The following ADAMTSL2 variants were observed in gnomAD, a reference collection of about 807,000 sequenced individuals.
ADAMTSL2 encodes the protein ADAMTS-like protein 2.
ADAMTSL2 carries 55 observed loss-of-function variants against 117.0 expected under a neutral mutation model. That is an observed-to-expected ratio of 0.47 (90% CI 0.38 to 0.59). The LOEUF is 0.59. Among genes scored for constraint, ADAMTSL2 ranks in the 20% least tolerant of loss-of-function variants. The pLI, the probability that ADAMTSL2 is intolerant of heterozygous loss-of-function variation, is 0.00. For missense variants in ADAMTSL2, 1,182 were observed against 1,354.5 expected (o/e 0.87, Z 2.00); for synonymous variants, 572 against 566.4 (o/e 1.01, Z -0.14).
At chr9:133,563,560 CAAGG>C (rs1449201019) in intron 12 of ADAMTSL2, among the ~76,000 whole-genome samples, 1 of 152,066 alleles carries the variant, frequency 6.6e-6, no homozygotes, top group African/African-American at 2.4e-5. Flanking sequence ...GCCTCGCTGG[CAAGG>C]GGCCTGATGG....
intron 9 of ADAMTSL2, among the ~76,000 whole-genome samples, chr9:133,547,477 A>G (rs1830379210): frequency 6.6e-6 from 1 of 152,186 alleles, no homozygotes. Context: ...TCATCAGTTC[A>G]TTAATTCATT....
Position 133,535,062 on chromosome 9 carries a change from G to A in ADAMTSL2, c.-151+145G>A, listed in dbSNP as rs569518156. 2,467 of 1,276,644 alleles carry A rather than the reference G, an allele frequency of 1.9e-3. 3 individuals carry two copies. Among genetic ancestry groups the A allele is most frequent in the Non-Finnish European group, 2.2e-3 (2,169 of 1,007,888 alleles). 79.1% of individuals were successfully genotyped at this position (1,276,644 alleles called of 1,614,324 possible). A position where few individuals can be genotyped will look rare whatever the true frequency, so the allele number is the denominator to read the frequency against. On this transcript the variant is annotated intron_variant, in intron 1 of 18. Coordinates refer to ENST00000651351, the MANE Select transcript of ADAMTSL2 (RefSeq NM_014694.4). The stretch of plus-strand genomic sequence containing the variant: ...GAGGCTTGTGGGGAGGGGTCGGGCC[G>A]CAGAGCACGGGGCAGGGTGGCCTCC...
Position 133,539,988 on chromosome 9 carries a change from C to G in ADAMTSL2, c.412+115C>G, listed in dbSNP as rs1370043411. The G allele has an allele frequency of 4.1e-6, 4 of 984,558 alleles. No individual in the cohort carries two copies. In the East Asian group the frequency reaches 7.8e-5, roughly 19 times the overall value. 61.0% of individuals were successfully genotyped at this position (984,558 alleles called of 1,614,324 possible). A position where few individuals can be genotyped will look rare whatever the true frequency, so the allele number is the denominator to read the frequency against. On this transcript the variant is annotated intron_variant, in intron 5 of 18. Transcript: ENST00000651351. The stretch of plus-strand genomic sequence containing the variant: ...GGGCAGGTGGGGAAATGGAGGTGGT[C>G]AGACGAAGAGCCAGGAATGAACCTG...
intron 7 of ADAMTSL2, among the ~76,000 whole-genome samples, chr9:133,544,039 A>C (rs1830289545): frequency 6.6e-6 from 1 of 152,258 alleles, no homozygotes; most frequent in Non-Finnish European, 1.5e-5. Context: ...CTTTGAGTGT[A>C]GCTAGCCTTG....
chr9:133,541,151 T>TCACCC, intron 7 of ADAMTSL2, 150 bp downstream of exon 7: 2 of 1,249,932 alleles, frequency 1.6e-6, no homozygotes, highest in Non-Finnish European at 2.3e-6. Flanking sequence ...CCGGGTGAGC[T>TCACCC]GGCCTGGTGA....
At chr9:133,564,549 GGAGAGGGAGA>G in intron 12 of ADAMTSL2, among the ~76,000 whole-genome samples, 6 of 45,740 alleles carry the variant, frequency 1.3e-4, no homozygotes, top group African/African-American at 4.5e-4. Flanking sequence ...AGGGAGAGAG[GGAGAGGGAGA>G]GAGAGAGGGA....
chr9:133,540,848 C>T lies in ADAMTSL2; in HGVS notation c.559-30C>T, dbSNP rs374809878. ...CCGGGGCCTGGCCACAGCGCCCTCC[C>T]AGCAGCCCTCTCCCTCTCCCTTCCT... is the stretch of plus-strand genomic sequence containing the variant. On this transcript the variant is annotated intron_variant, in intron 6 of 18. Coordinates refer to ENST00000651351, the MANE Select transcript of ADAMTSL2 (RefSeq NM_014694.4). The T allele has an allele frequency of 2.3e-5, 37 of 1,613,298 alleles. No homozygotes were observed. In the African/African-American group the frequency reaches 4.1e-4, roughly 18 times the overall value.
chr9:133,556,987 C>G (rs1830617504), intron 11 of ADAMTSL2, among the ~76,000 whole-genome samples: 1 of 152,186 alleles, frequency 6.6e-6, no homozygotes, highest in South Asian at 2.1e-4. Context: ...CAGGCACGGG[C>G]TCACTGGTGT....
chr9:133,540,798 C>T (rs1830202685), intron 6 of ADAMTSL2, 55 bp downstream of exon 6: 1 of 1,613,466 alleles, frequency 6.2e-7, no homozygotes, highest in South Asian at 1.1e-5. Context: ...GACTGCCCGC[C>T]CGCCTGTGGG....
intron 12 of ADAMTSL2, among the ~76,000 whole-genome samples, chr9:133,564,519 GGA>G (rs1350012295): frequency 1.4e-4 from 4 of 29,296 alleles, no homozygotes; most frequent in Non-Finnish European, 2.0e-4. Context: ...AGAGGGAGAG[GGA>G]GAGAGAGAGA....
At chr9:133,544,403 T>C in intron 7 of ADAMTSL2, 67 bp from the exon 8 acceptor site, 1 of 1,296,186 alleles carries the variant, frequency 7.7e-7, no homozygotes, top group Non-Finnish European at 1.1e-6. Context: ...AGCTGTGGAG[T>C]GGGCGAGTGC....
chr9:133,537,318 C>G, intron 2 of ADAMTSL2, 87 bp from the exon 3 acceptor site: 1 of 1,289,710 alleles, frequency 7.8e-7, no homozygotes, highest in Non-Finnish European at 1.0e-6. Flanking sequence ...GTCCCGCTGA[C>G]GGTGATACCC....
chr9:133,574,249 G>A (rs1831176754), intron 18 of ADAMTSL2, among the ~76,000 whole-genome samples: 1 of 152,206 alleles, frequency 6.6e-6, no homozygotes, highest in South Asian at 2.1e-4. Context: ...TGTACTTTGG[G>A]AAAAGGGTCA....
rs982875660 is a variant in ADAMTSL2 at position 133,568,773 on chromosome 9, G to A, written c.2244+15G>A. 7.4e-6 allele frequency: 12 copies of A among 1,612,788 alleles called. No homozygotes were observed. The highest frequency in any genetic ancestry group is 1.7e-5 in the Admixed American group (1 of 60,002). ...ACTGGGGACCGGTGAGGCCTGCACTGAGGGGTGGCTGGGCGTGCGGCTGGT... is the reference window on the plus strand; with the variant it reads ...ACTGGGGACCGGTGAGGCCTGCACTAAGGGGTGGCTGGGCGTGCGGCTGGT... On this transcript the variant is annotated intron_variant, in intron 15 of 18. Transcript: ENST00000651351.
intron 11 of ADAMTSL2, 119 bp from the exon 12 acceptor site, chr9:133,561,079 A>G: frequency 1.2e-6 from 1 of 839,632 alleles, no homozygotes; most frequent in African/African-American, 1.7e-5. Flanking sequence ...GGGGCTCAGG[A>G]CAGGTGTGTG....
chr9:133,538,797 GAAACAGTACCCCCCACGCCATA>G (rs1215154484), intron 4 of ADAMTSL2, among the ~76,000 whole-genome samples: 2 of 152,132 alleles, frequency 1.3e-5, no homozygotes, highest in African/African-American at 2.4e-5. Flanking sequence ...CCCGTCCCAT[GAAACAGTACCCCCCACGCCATA>G]AAACAGTTCC....
intron 12 of ADAMTSL2, 56 bp downstream of exon 12, chr9:133,561,351 A>G: frequency 1.3e-6 from 2 of 1,486,156 alleles, no homozygotes; most frequent in Non-Finnish European, 9.2e-7. Flanking sequence ...TTCCATGGAC[A>G]TGGGCTGGGG....
chr9:133,575,026 A>T lies in ADAMTSL2; in HGVS notation c.*162A>T. On this transcript the variant is annotated 3_prime_UTR_variant, in exon 19 of 19. Transcript: ENST00000651351. ...AGAGGGGACTTCCCACGGCCCGTGG[A>T]CCTTTGTGCTCCTGGGGCAGAGCCT... 1 of 628,114 alleles carries T rather than the reference A, an allele frequency of 1.6e-6. No individual in the cohort carries two copies. Among genetic ancestry groups the T allele is most frequent in the Non-Finnish European group, 2.8e-6 (1 of 352,474 alleles). 38.9% of individuals were successfully genotyped at this position (628,114 alleles called of 1,614,324 possible).
chr9:133,569,712 C>T, intron 16 of ADAMTSL2, 134 bp downstream of exon 16: 2 of 931,374 alleles, frequency 2.1e-6, no homozygotes, highest in Non-Finnish European at 1.6e-6. Flanking sequence ...GGACAATTCC[C>T]TAAAAATTAA....
Sources: gnomAD v4.1 joint callset for allele counts (sites outside exome capture counted in the v4.1 genomes callset) on GRCh38, gnomAD v4.1.1 for gene constraint, MANE v1.5 for transcripts, NCBI Gene and HGNC (gene_info 2026-07-23, HGNC 2026-07-21) for gene names.